Variants in GRIN2A observed in about 807,000 individuals in gnomAD.
GRIN2A encodes the protein glutamate receptor ionotropic, NMDA 2A.
In GRIN2A, 22 loss-of-function variants were observed where a neutral mutation model predicts 113.4. The observed-to-expected ratio is 0.19, with a 90% CI of 0.14 to 0.28. The LOEUF (loss-of-function observed/expected upper bound fraction) is 0.28, where lower values mean the gene tolerates loss of function less well. GRIN2A is among the 10% of genes least tolerant of loss of function. The probability of loss-of-function intolerance (pLI) is 1.00; values close to 1 mark genes in which losing one functional copy is unlikely to be tolerated. For missense variants in GRIN2A, 1,502 were observed against 1,887.0 expected (o/e 0.80, Z 3.78); for synonymous variants, 827 against 738.4 (o/e 1.12, Z -1.94).
chr16:10,131,630 C>T (rs966269788), intron 2 of GRIN2A, among the ~76,000 whole-genome samples: 3 of 152,088 alleles, frequency 2.0e-5, no homozygotes, highest in Admixed American at 1.3e-4. Context: ...AGAGAAAGGG[C>T]GTCTGTTTCA....
rs189705369 is a variant in GRIN2A, at chr16:9,869,994, T to C, written c.1123-20033A>G. The stretch of plus-strand genomic sequence containing the variant: ...ACCAAAATTCCAGGCCTAGGGCTTG[T>C]ATGCCAAAATGAAACTAAGGAAATG... On this transcript the variant is annotated intron_variant, in intron 4 of 12. Transcript: ENST00000330684. Among the ~76,000 whole-genome samples the C allele has an allele frequency of 3.6e-4, 55 of 152,362 alleles. 1 individual carries two copies. Among genetic ancestry groups the C allele is most frequent in the Admixed American group, 3.4e-3 (52 of 15,304 alleles).
At chr16:9,871,168 C>T (rs1029858605) in intron 4 of GRIN2A, among the ~76,000 whole-genome samples, 2 of 152,178 alleles carry the variant, frequency 1.3e-5, no homozygotes, top group South Asian at 2.1e-4. Context: ...GCACCACCTT[C>T]CACCCAGCTC....
At chr16:10,019,083 C>T (rs916729604) in intron 2 of GRIN2A, among the ~76,000 whole-genome samples, 43 of 145,564 alleles carry the variant, frequency 3.0e-4, no homozygotes, top group Admixed American at 2.0e-3. Context: ...AACTGAATCC[C>T]AACGTAAGTT....
intron 2 of GRIN2A, among the ~76,000 whole-genome samples, chr16:9,983,442 C>CT (rs149545344): frequency 0.11 from 15,635 of 141,602 alleles, 959 homozygotes; most frequent in Non-Finnish European, 0.13. Flanking sequence ...GTTATTTATT[C>CT]TTTTTTTTTT....
intron 2 of GRIN2A, among the ~76,000 whole-genome samples, chr16:10,114,356 C>G (rs188314447): frequency 2.3e-4 from 35 of 152,230 alleles, no homozygotes; most frequent in Non-Finnish European, 3.5e-4. Context: ...TTGATCCACC[C>G]AAGAGATTAT....
intron 2 of GRIN2A, among the ~76,000 whole-genome samples, chr16:9,979,999 C>A (rs1028081457): frequency 6.6e-6 from 1 of 151,642 alleles, no homozygotes; most frequent in Non-Finnish European, 1.5e-5. Flanking sequence ...GTAGCTCAGT[C>A]CTGTAATTCC....
chr16:9,767,283 T>C (rs1900974530), intron 12 of GRIN2A, among the ~76,000 whole-genome samples: 1 of 152,276 alleles, frequency 6.6e-6, no homozygotes, highest in Admixed American at 6.5e-5. Context: ...TAAACTAATG[T>C]GTACCTTCCG....
intron 2 of GRIN2A, among the ~76,000 whole-genome samples, chr16:10,052,108 A>G (rs889260070): frequency 2.6e-5 from 4 of 152,260 alleles, no homozygotes; most frequent in African/African-American, 9.6e-5. Flanking sequence ...AATGGCACAC[A>G]TGCCCAAAAC....
chr16:9,760,374 A>ATTTGTT lies in GRIN2A; in HGVS notation c.*2774_*2775insAACAAA, dbSNP rs1900528507. On this transcript the variant is annotated 3_prime_UTR_variant, in exon 13 of 13. Transcript: ENST00000330684. ...AAATTGACCATCTGATCAGTAGTTG[A>ATTTGTT]TTTTTTTTTTTTTTTTTTTTTTTTG... 1.1e-5 allele frequency: 1 copy of ATTTGTT among 89,548 alleles called. No individual in the cohort carries two copies. Among genetic ancestry groups the ATTTGTT allele is most frequent in the Admixed American group, 1.9e-4 (1 of 5,300 alleles). The allele number at this position is 89,548 out of a possible 1,614,324, so 5.5% of individuals were successfully genotyped here.
chr16:10,050,923 A>T (rs530017926), intron 2 of GRIN2A, among the ~76,000 whole-genome samples: 3 of 152,228 alleles, frequency 2.0e-5, no homozygotes, highest in South Asian at 2.1e-4. Flanking sequence ...TATAATTTAT[A>T]TAATAAATAT....
chr16:10,122,517 C>T (rs779992180), intron 2 of GRIN2A, among the ~76,000 whole-genome samples: 7 of 152,050 alleles, frequency 4.6e-5, no homozygotes, highest in Non-Finnish European at 8.8e-5. Context: ...TAGAGGCATG[C>T]GGCTGTCAGA....
At chr16:10,150,103 C>T (rs1371942310) in intron 2 of GRIN2A, among the ~76,000 whole-genome samples, 1 of 152,170 alleles carries the variant, frequency 6.6e-6, no homozygotes, top group Non-Finnish European at 1.5e-5. Context: ...CAGTTGGTCC[C>T]CCTTGATTGG....
chr16:10,147,455 CAAAAAAA>C (rs367830700), intron 2 of GRIN2A, among the ~76,000 whole-genome samples: 13 of 72,918 alleles, frequency 1.8e-4, no homozygotes, highest in African/African-American at 5.1e-4. Context: ...ACTAAAAATA[CAAAAAAA>C]AAAAAAAAAA....
chr16:9,860,445 CAAAA>C (rs35715098), intron 4 of GRIN2A, among the ~76,000 whole-genome samples: 62 of 57,944 alleles, frequency 1.1e-3, no homozygotes, highest in African/African-American at 3.8e-3. Flanking sequence ...AAGAGTCTCT[CAAAA>C]AAAAAAAAAA....
rs1408844080 is a variant in GRIN2A at position 9,914,093 on chromosome 16, G to C, written c.1008-22993C>G. Reference sequence around the variant, plus strand: ...TGGAGAGAACTAGAAAATCATTCTTGGTTAAAAAAAAAAAAAAGATGCAGT... The same window carrying C: ...TGGAGAGAACTAGAAAATCATTCTTCGTTAAAAAAAAAAAAAAGATGCAGT... On this transcript the variant is annotated intron_variant, in intron 3 of 12. Coordinates refer to ENST00000330684, the MANE Select transcript of GRIN2A (RefSeq NM_001134407.3). Among the ~76,000 whole-genome samples, 4 of 147,702 alleles carry C rather than the reference G, an allele frequency of 2.7e-5. No homozygotes were observed. In the East Asian group the frequency reaches 5.9e-4, roughly 22 times the overall value.
intron 2 of GRIN2A, among the ~76,000 whole-genome samples, chr16:9,978,243 C>T (rs1348356807): frequency 1.3e-5 from 2 of 152,192 alleles, no homozygotes; most frequent in South Asian, 2.1e-4. Flanking sequence ...ACTCACTTTT[C>T]AAAGTATCCA....
intron 2 of GRIN2A, among the ~76,000 whole-genome samples, chr16:10,134,780 CA>C: frequency 6.6e-6 from 1 of 151,850 alleles, no homozygotes; most frequent in Non-Finnish European, 1.5e-5. Flanking sequence ...CTCCATCAGA[CA>C]AAAAATGGTT....
intron 2 of GRIN2A, among the ~76,000 whole-genome samples, chr16:9,968,272 GTATGTATGTATGTATGTA>G (rs1474566131): frequency 2.9e-5 from 2 of 69,194 alleles, no homozygotes; most frequent in African/African-American, 1.4e-4. Context: ...TTGTATGTAT[GTATGTATGTATGTATGTA>G]TGTATGTATG....
chr16:10,112,220 G>A, intron 2 of GRIN2A: 1 of 603,004 alleles, frequency 1.7e-6, no homozygotes, highest in Non-Finnish European at 3.1e-6. Flanking sequence ...GGAACTCGGT[G>A]TATCAAATCA....
Sources: allele counts gnomAD v4.1 joint callset (sites outside exome capture counted in the v4.1 genomes callset), GRCh38; gene constraint gnomAD v4.1.1; transcripts MANE v1.5; gene names NCBI Gene and HGNC (gene_info 2026-07-23, HGNC 2026-07-21).